Variants in PLXDC2 observed in about 807,000 individuals in gnomAD.
PLXDC2 encodes the protein plexin domain containing 2.
In PLXDC2, 40 loss-of-function variants were observed where a neutral mutation model predicts 68.9. The ratio of observed to expected loss-of-function variants is 0.58; its 90% CI spans 0.45 to 0.76. The LOEUF (loss-of-function observed/expected upper bound fraction) is 0.76. Among genes scored for constraint, PLXDC2 ranks in the 30% least tolerant of loss-of-function variants. The probability of loss-of-function intolerance (pLI) is 0.00; values close to 1 mark genes in which losing one functional copy is unlikely to be tolerated. For synonymous variants in PLXDC2, 243 were observed against 234.2 expected (o/e 1.04, Z -0.34); for missense variants, 644 against 661.9 (o/e 0.97, Z 0.30).
At chr10:20,168,451 G>A (rs1293748089) in intron 7 of PLXDC2, among the ~76,000 whole-genome samples, 2 of 152,114 alleles carry the variant, frequency 1.3e-5, no homozygotes, top group African/African-American at 4.8e-5. Context: ...GCCCTTCAGA[G>A]TGGAACCACA....
At chr10:20,110,145 C>A (rs775433896) in intron 4 of PLXDC2, among the ~76,000 whole-genome samples, 7 of 152,024 alleles carry the variant, frequency 4.6e-5, no homozygotes, top group Non-Finnish European at 1.0e-4. Flanking sequence ...AGGAAGAAGA[C>A]AAAGCTGGAG....
In PLXDC2 at chr10:19,849,973, C is replaced by T. The variant is rs1837084028; in HGVS notation, c.112+32782C>T. On this transcript the variant is annotated intron_variant, in intron 1 of 13. Transcript: ENST00000377252. ...GAGGATGGTCCAAGTACGGCCATCT[C>T]TAGCAGCATTAAATGTAGTTCTCTA... 2.6e-5 allele frequency among the ~76,000 whole-genome samples: 4 copies of T among 152,276 alleles called. No individual in the cohort carries two copies. In the South Asian group the frequency reaches 8.3e-4, roughly 32 times the overall value.
At chr10:19,994,142 G>A (rs1834799007) in intron 1 of PLXDC2, among the ~76,000 whole-genome samples, 1 of 151,744 alleles carries the variant, frequency 6.6e-6, no homozygotes, top group Non-Finnish European at 1.5e-5. Flanking sequence ...CAGAGATGAT[G>A]AACTGCAATC....
intron 10 of PLXDC2, among the ~76,000 whole-genome samples, chr10:20,216,153 C>T (rs1019164472): frequency 2.1e-4 from 32 of 151,782 alleles, no homozygotes; most frequent in Non-Finnish European, 4.1e-4. Context: ...CTTGAAGCTA[C>T]TGAAATGAGT....
chr10:20,169,732 G>A (rs895608071), intron 7 of PLXDC2, among the ~76,000 whole-genome samples: 1 of 152,066 alleles, frequency 6.6e-6, no homozygotes, highest in African/African-American at 2.4e-5. Flanking sequence ...CTTTAATTTG[G>A]AACAGATAAG....
chr10:20,245,170 A>C (rs900214409), intron 12 of PLXDC2, among the ~76,000 whole-genome samples, 175 bp from the exon 13 acceptor site: 8 of 152,234 alleles, frequency 5.3e-5, no homozygotes, highest in African/African-American at 1.7e-4. Flanking sequence ...AATCCTATGG[A>C]TTCTTCATTG....
chr10:20,246,020 G>A lies in PLXDC2; in HGVS notation c.1473+515G>A, dbSNP rs527867213. 3.3e-5 allele frequency among the ~76,000 whole-genome samples: 5 copies of A among 152,310 alleles called. No homozygotes were observed. In the East Asian group the frequency reaches 5.8e-4, roughly 18 times the overall value. On this transcript the variant is annotated intron_variant, in intron 13 of 13. Coordinates refer to ENST00000377252, the MANE Select transcript of PLXDC2 (RefSeq NM_032812.9). ...GTAAAAATAAAAAATGGTATGTGCT[G>A]TTGCCATTTTGCATAATGTATGTAC... is the stretch of plus-strand genomic sequence containing the variant.
chr10:20,078,350 T>C (rs983567855), intron 4 of PLXDC2, among the ~76,000 whole-genome samples: 11 of 152,130 alleles, frequency 7.2e-5, no homozygotes, highest in Non-Finnish European at 1.2e-4. Context: ...GCCACTGCAC[T>C]CCAGTCAGAG....
At chr10:19,822,381 A>G (rs1836485855) in intron 1 of PLXDC2, among the ~76,000 whole-genome samples, 1 of 151,900 alleles carries the variant, frequency 6.6e-6, no homozygotes, top group African/African-American at 2.4e-5. Context: ...TCATCAATGG[A>G]CACTCAGGTT....
intron 7 of PLXDC2, 67 bp from the exon 8 acceptor site, chr10:20,176,932 A>G (rs967728249): frequency 1.7e-6 from 2 of 1,181,042 alleles, no homozygotes; most frequent in Admixed American, 1.9e-5. Context: ...TATATCCATT[A>G]TTAAAATGCT....
intron 3 of PLXDC2, among the ~76,000 whole-genome samples, chr10:20,063,622 G>A (rs943981068): frequency 7.2e-5 from 11 of 152,050 alleles, no homozygotes; most frequent in Admixed American, 3.9e-4. Flanking sequence ...AATAATTAGT[G>A]TGAAAATGGA....
intron 9 of PLXDC2, among the ~76,000 whole-genome samples, chr10:20,206,154 ATATG>A (rs977201596): frequency 6.6e-6 from 1 of 152,088 alleles, no homozygotes; most frequent in African/African-American, 2.4e-5. Context: ...TACAATTATA[ATATG>A]TCAACATGCA....
chr10:20,222,640 A>C (rs11011885), intron 12 of PLXDC2, among the ~76,000 whole-genome samples: 36,908 of 152,036 alleles, frequency 0.24, 4,510 homozygotes, highest in African/African-American at 0.27. Context: ...AGGTCTCTTT[A>C]GTAAGATAGA....
chr10:20,152,591 G>A (rs911791634), intron 6 of PLXDC2, among the ~76,000 whole-genome samples: 1 of 151,932 alleles, frequency 6.6e-6, no homozygotes, highest in Non-Finnish European at 1.5e-5. Context: ...TCATTATAAT[G>A]CATTTTTCAA....
At chr10:20,002,452 AT>A (rs1337566197) in intron 2 of PLXDC2, among the ~76,000 whole-genome samples, 1 of 151,810 alleles carries the variant, frequency 6.6e-6, no homozygotes, top group Non-Finnish European at 1.5e-5. Context: ...TAGAGATGGC[AT>A]TTCACCATGT....
chr10:19,938,065 G>A (rs866177071), intron 1 of PLXDC2, among the ~76,000 whole-genome samples: 1 of 152,038 alleles, frequency 6.6e-6, no homozygotes, highest in Non-Finnish European at 1.5e-5. Context: ...TGGTGGCATC[G>A]CTAGCCCTCT....
intron 1 of PLXDC2, among the ~76,000 whole-genome samples, chr10:19,980,296 C>T (rs1052041236): frequency 2.6e-5 from 4 of 152,138 alleles, no homozygotes; most frequent in African/African-American, 9.7e-5. Context: ...AGGAAGGAAC[C>T]TTATACTCTT....
chr10:19,897,032 A>AG (rs142448436), intron 1 of PLXDC2, among the ~76,000 whole-genome samples: 13,059 of 152,184 alleles, frequency 0.086, 638 homozygotes, highest in Non-Finnish European at 0.11. Context: ...TCTTTACTGC[A>AG]GTCCCCTGTC....
intron 1 of PLXDC2, among the ~76,000 whole-genome samples, chr10:19,954,080 G>A (rs11011698): frequency 0.12 from 18,633 of 151,882 alleles, 1,190 homozygotes; most frequent in African/African-American, 0.16. Flanking sequence ...GGACTCAGGA[G>A]GTAGACACTG....
Sources: allele counts gnomAD v4.1 joint callset (sites outside exome capture counted in the v4.1 genomes callset), GRCh38; gene constraint gnomAD v4.1.1; transcripts MANE v1.5; gene names NCBI Gene and HGNC (gene_info 2026-07-23, HGNC 2026-07-21).